Variants in DTX1 observed in about 807,000 individuals in gnomAD.
DTX1 encodes the protein deltex E3 ubiquitin ligase 1, also known as E3 ubiquitin-protein ligase DTX1.
A neutral mutation model predicts 57.8 loss-of-function variants in DTX1; 26 were observed. That is an observed-to-expected ratio of 0.45 (90% CI 0.33 to 0.62). The LOEUF is 0.62. DTX1 is among the 20% of genes least tolerant of loss of function. The pLI is 0.02. For missense variants in DTX1, 704 were observed against 895.3 expected, an observed-to-expected ratio of 0.79 and a Z score of 2.73; for synonymous variants, 398 against 394.1, an observed-to-expected ratio of 1.01 and a Z score of -0.12.
At position 113,057,957 on chromosome 12, in the gene DTX1, G is replaced by C. The variant is rs771282138; in HGVS notation, c.-236G>C. 7.9e-6 allele frequency: 5 copies of C among 633,300 alleles called. No homozygotes were observed. The highest frequency in any genetic ancestry group is 1.3e-5 in the Non-Finnish European group (5 of 379,448). 39.2% of individuals were successfully genotyped at this position (633,300 alleles called of 1,614,324 possible). On this transcript the variant is annotated 5_prime_UTR_variant, in exon 2 of 10. Transcript: ENST00000548759. ...CATAAGAGAGACACTTGCTTTCCAG[G>C]GCAGCACCCTTTATCGGAGAAGGCT...
In DTX1 at chr12:113,078,120, AG is replaced by A; in HGVS notation, c.941+20del. 6.1e-6 allele frequency: 5 copies of A among 825,816 alleles called. No individual in the cohort carries two copies. Among genetic ancestry groups the A allele is most frequent in the South Asian group, 2.2e-5 (1 of 45,840 alleles). 51.2% of individuals were successfully genotyped at this position (825,816 alleles called of 1,614,324 possible). Reference sequence around the variant, plus strand: ...ATCCCGCCGGGGTAAGACGGGGCCCAGGGGGAGGGGGCCTCTGCGTCGTCCG... The same window carrying A: ...ATCCCGCCGGGGTAAGACGGGGCCCAGGGGAGGGGGCCTCTGCGTCGTCCG... On this transcript the variant is annotated intron_variant, in intron 3 of 9. Coordinates refer to ENST00000548759, the MANE Select transcript of DTX1 (RefSeq NM_004416.3).
chr12:113,095,328 C>G lies in DTX1; in HGVS notation c.1552C>G (p.Pro518Ala), dbSNP rs1160060388. ...VYDIPTGIQG[P>A]EHPNPGKKFT... ...CCTGTACTGTCCCTCTCTGCAGGGC[C>G]CTGAGCACCCCAACCCCGGGAAGAA... The change falls in exon 9 of 10, where the codon CCT becomes GCT. Residue 518 changes from proline (P) to alanine (A), a missense_variant. By Grantham distance (27) the Pro-to-Ala change is conservative. Around this residue, in one of 3 missense-constraint regions of DTX1, gnomAD observed 168 missense variants for 255.6 expected, o/e 0.66. Coordinates refer to ENST00000548759, the MANE Select transcript of DTX1 (RefSeq NM_004416.3). The G allele has an allele frequency of 2.5e-6, 4 of 1,614,134 alleles. No individual in the cohort carries two copies. In the South Asian group the frequency reaches 3.3e-5, roughly 13 times the overall value.
At position 113,097,234 on chromosome 12, in the gene DTX1, C is replaced by T. The variant is rs563733565; in HGVS notation, c.*295C>T. The stretch of plus-strand genomic sequence containing the variant: ...ACACACATGTCCTGTTGAACTCATG[C>T]ACGCACACCCACGTGCCTGTACTTG... On this transcript the variant is annotated 3_prime_UTR_variant, in exon 10 of 10. Transcript: ENST00000548759. 3 of 381,894 alleles carry T rather than the reference C, an allele frequency of 7.9e-6. No individual in the cohort carries two copies. In the South Asian group the frequency reaches 1.1e-4, roughly 14 times the overall value. The allele number at this position is 381,894 out of a possible 1,614,324, so 23.7% of individuals were successfully genotyped here.
At chr12:113,067,173 C>T (rs555691035) in intron 2 of DTX1, among the ~76,000 whole-genome samples, 1 of 152,038 alleles carries the variant, frequency 6.6e-6, no homozygotes, top group African/African-American at 2.4e-5. Context: ...AGCACAGCCA[C>T]CTCTTGTCCC....
At position 113,093,130 on chromosome 12, in the gene DTX1, T is replaced by A; in HGVS notation, c.942-32T>A. 6.4e-7 allele frequency: 1 copy of A among 1,569,182 alleles called. No homozygotes were observed. Among genetic ancestry groups the A allele is most frequent in the Non-Finnish European group, 8.6e-7 (1 of 1,157,122 alleles). On this transcript the variant is annotated intron_variant, in intron 3 of 9. Coordinates refer to ENST00000548759, the MANE Select transcript of DTX1 (RefSeq NM_004416.3). This position sits in a 1 kb window ranked among gnomAD's most constrained non-coding sequence, Gnocchi z 4.2. ...CCTGACGTCGCTTCGGGGGCTGGAG[T>A]CCAGCTGCGGCCTCTTCTCTTCTCC...
rs773287455 is a variant in DTX1, at chr12:113,058,170, TG to T, written c.-21del. Reference sequence around the variant, plus strand: ...GCTGGGCCTGCAATAGTGGGGGACCTGGCCCCTGAGGCAGTGGCGGCCATGT... The same window carrying T: ...GCTGGGCCTGCAATAGTGGGGGACCTGCCCCTGAGGCAGTGGCGGCCATGT... On this transcript the variant is annotated 5_prime_UTR_variant, in exon 2 of 10. Transcript: ENST00000548759. 4 of 1,580,746 alleles carry T rather than the reference TG, an allele frequency of 2.5e-6. No homozygotes were observed. In the South Asian group the frequency reaches 3.4e-5, roughly 14 times the overall value.
At chr12:113,079,356 C>T (rs1049394340) in intron 3 of DTX1, among the ~76,000 whole-genome samples, 2 of 151,986 alleles carry the variant, frequency 1.3e-5, no homozygotes, top group African/African-American at 4.8e-5. Flanking sequence ...GATCTGGATG[C>T]GACCTTTGGG....
rs1159538551 is a variant in DTX1, at chr12:113,093,155, C to T, written c.942-7C>T. 3 of 1,591,264 alleles carry T rather than the reference C, an allele frequency of 1.9e-6. No homozygotes were observed. The highest frequency in any genetic ancestry group is 3.5e-5 in the Admixed American group (2 of 57,218). On this transcript the variant is annotated splice_polypyrimidine_tract_variant and splice_region_variant and intron_variant, in intron 3 of 9. Transcript: ENST00000548759. The surrounding 1 kb of genome is among the most constrained non-coding windows in gnomAD (Gnocchi z 4.2). ...TCCAGCTGCGGCCTCTTCTCTTCTC[C>T]CCGCAGGGTCCCCGCACTCCCGGTG...
chr12:113,062,436 A>G (rs563368834), intron 2 of DTX1, among the ~76,000 whole-genome samples: 2 of 152,194 alleles, frequency 1.3e-5, no homozygotes, highest in Non-Finnish European at 2.9e-5. Context: ...GGGTCATGAA[A>G]TATTCTTTTT....
Position 113,093,067 on chromosome 12 carries a change from G to A in DTX1, c.942-95G>A, listed in dbSNP as rs956894222. On this transcript the variant is annotated intron_variant, in intron 3 of 9. Coordinates refer to ENST00000548759, the MANE Select transcript of DTX1 (RefSeq NM_004416.3). This position sits in a 1 kb window ranked among gnomAD's most constrained non-coding sequence, Gnocchi z 4.2. ...GAGAGGTACAAAGAGGCCAGGGTGTGTGGCCCAGGAGCCAGAGACAGAAGG... is the reference window on the plus strand; with the variant it reads ...GAGAGGTACAAAGAGGCCAGGGTGTATGGCCCAGGAGCCAGAGACAGAAGG... 9 of 1,288,834 alleles carry A rather than the reference G, an allele frequency of 7.0e-6. No homozygotes were observed. Among genetic ancestry groups the A allele is most frequent in the Admixed American group, 2.1e-5 (1 of 48,218 alleles). 79.8% of individuals were successfully genotyped at this position (1,288,834 alleles called of 1,614,324 possible). A position where few individuals can be genotyped will look rare whatever the true frequency, so the allele number is the denominator to read the frequency against.
intron 2 of DTX1, among the ~76,000 whole-genome samples, chr12:113,068,564 G>A (rs2044719997): frequency 6.6e-6 from 1 of 152,176 alleles, no homozygotes; most frequent in South Asian, 2.1e-4. Context: ...CCGCACACAC[G>A]GTATGTTCAA....
At position 113,090,695 on chromosome 12, in the gene DTX1, C is replaced by T. The variant is rs12318088; in HGVS notation, c.942-2467C>T. 8.8e-4 allele frequency among the ~76,000 whole-genome samples: 134 copies of T among 152,326 alleles called. 1 individual carries two copies. Among genetic ancestry groups the T allele is most frequent in the African/African-American group, 2.8e-3 (118 of 41,572 alleles). Reference sequence around the variant, plus strand: ...TCCAGATGTCTGCTCCAGACCTCTCCACAGCCCTCAGAGGGGTCTGGGATG... The same window carrying T: ...TCCAGATGTCTGCTCCAGACCTCTCTACAGCCCTCAGAGGGGTCTGGGATG... On this transcript the variant is annotated intron_variant, in intron 3 of 9. Coordinates refer to ENST00000548759, the MANE Select transcript of DTX1 (RefSeq NM_004416.3).
At chr12:113,057,140 C>G (rs899168613) in intron 1 of DTX1, among the ~76,000 whole-genome samples, 196 bp downstream of exon 1, 1 of 152,002 alleles carries the variant, frequency 6.6e-6, no homozygotes, top group Non-Finnish European at 1.5e-5. Flanking sequence ...GCCGCGCATC[C>G]CCGTGCTTCC....
At chr12:113,081,887 C>T (rs2044820745) in intron 3 of DTX1, among the ~76,000 whole-genome samples, 1 of 152,028 alleles carries the variant, frequency 6.6e-6, no homozygotes. Flanking sequence ...TTTTTTACCC[C>T]AAATGGGGGT....
At chr12:113,076,866 G>A (rs1015434860) in intron 2 of DTX1, among the ~76,000 whole-genome samples, 1 of 152,136 alleles carries the variant, frequency 6.6e-6, no homozygotes, top group African/African-American at 2.4e-5. Context: ...AGGACTGCAT[G>A]GGGCCTATGT....
intron 3 of DTX1, among the ~76,000 whole-genome samples, chr12:113,081,254 G>T (rs767108880): frequency 2.0e-5 from 3 of 151,928 alleles, no homozygotes; most frequent in Non-Finnish European, 2.9e-5. Context: ...GCGTGAACCC[G>T]GGAGGTGGAG....
chr12:113,058,370 G>A lies in DTX1; in HGVS notation c.178G>A (p.Val60Met), dbSNP rs1566011799. 11 of 1,611,438 alleles carry A rather than the reference G, an allele frequency of 6.8e-6. No homozygotes were observed. The highest frequency in any genetic ancestry group is 9.3e-6 in the Non-Finnish European group (11 of 1,179,994). Residue 60 changes from valine (V) to methionine (M), a missense_variant, in exon 2 of 10, where the codon GTG becomes ATG. Val to Met is a conservative substitution (Grantham distance 21). Coordinates refer to ENST00000548759, the MANE Select transcript of DTX1 (RefSeq NM_004416.3). ...GCTGAAGGAGGACGCTCGCGGTTCC[G>A]TGGTCCTGGGGCAGGTGGACGCCCA... ...NVLKEDARGSVVLGQVDAQLV... is the reference protein window; with the variant it reads ...NVLKEDARGSMVLGQVDAQLV...
intron 2 of DTX1, among the ~76,000 whole-genome samples, chr12:113,075,105 C>A (rs1302581353): frequency 1.3e-5 from 2 of 152,216 alleles, no homozygotes; most frequent in African/African-American, 2.4e-5. Context: ...ATCCTCTCAG[C>A]AACCCCACAA....
Position 113,093,637 on chromosome 12 carries a change from G to A in DTX1, c.1102G>A (p.Val368Met). ...CCCGCCGCCCGTGAGCAAGAGCGACGTGAAGCCCGTGCCTGGCGTGCCCGG... is the reference window on the plus strand; with the variant it reads ...CCCGCCGCCCGTGAGCAAGAGCGACATGAAGCCCGTGCCTGGCGTGCCCGG... The part of the protein sequence containing the change: ...LHPPPVSKSD[V>M]KPVPGVPGVC... Residue 368 changes from valine to methionine, a missense_variant, in exon 5 of 10, where the codon GTG (valine) becomes ATG (methionine). Coordinates refer to ENST00000548759, the MANE Select transcript of DTX1 (RefSeq NM_004416.3). The surrounding 1 kb of genome is among the most constrained non-coding windows in gnomAD (Gnocchi z 4.2). 5.0e-6 allele frequency: 8 copies of A among 1,613,648 alleles called. No individual in the cohort carries two copies. In the South Asian group the frequency reaches 8.8e-5, roughly 18 times the overall value.
Sources: gnomAD v4.1 joint callset for allele counts (sites outside exome capture counted in the v4.1 genomes callset) on GRCh38, gnomAD v4.1.1 for gene constraint, gnomAD v4.1.1 regional missense constraint, Gnocchi (gnomAD v3.1) non-coding constraint, MANE v1.5 for transcripts, NCBI Gene and HGNC (gene_info 2026-07-23, HGNC 2026-07-21) for gene names.